The following GPR158 variants were observed in gnomAD, a reference collection of about 807,000 sequenced individuals.
GPR158 encodes the protein metabotropic glycine receptor.
A neutral mutation model predicts 78.2 loss-of-function variants in GPR158; 30 were observed. That is an observed-to-expected ratio of 0.38 (90% CI 0.29 to 0.52). The LOEUF (loss-of-function observed/expected upper bound fraction) is 0.52. Among genes scored for constraint, GPR158 ranks in the 20% least tolerant of loss-of-function variants. GPR158 has a pLI of 0.83. For synonymous variants in GPR158, 581 were observed against 591.1 expected (o/e 0.98, Z 0.25); for missense variants, 1,463 against 1,523.5 (o/e 0.96, Z 0.66).
At chr10:25,278,097 G>A (rs1489276784) in intron 2 of GPR158, among the ~76,000 whole-genome samples, 7 of 152,088 alleles carry the variant, frequency 4.6e-5, no homozygotes, top group Non-Finnish European at 1.5e-5. Context: ...TAATGACCAT[G>A]TTGGTAAATC....
At chr10:25,363,603 A>T (rs1267004469) in intron 2 of GPR158, among the ~76,000 whole-genome samples, 1 of 151,968 alleles carries the variant, frequency 6.6e-6, no homozygotes, top group Non-Finnish European at 1.5e-5. Context: ...ATCATAGAGT[A>T]ATGAGATGTG....
intron 6 of GPR158, among the ~76,000 whole-genome samples, chr10:25,561,857 G>T (rs760127947): frequency 6.6e-6 from 1 of 152,016 alleles, no homozygotes; most frequent in Admixed American, 6.6e-5. Context: ...ATAAGGAAGG[G>T]TGCATATAAG....
At chr10:25,432,393 AAT>A (rs1248054719) in intron 4 of GPR158, among the ~76,000 whole-genome samples, 4 of 152,228 alleles carry the variant, frequency 2.6e-5, no homozygotes, top group Non-Finnish European at 5.9e-5. Context: ...GTATAGATGT[AAT>A]AGAATTAAAA....
intron 4 of GPR158, among the ~76,000 whole-genome samples, chr10:25,417,431 T>C (rs1322816103): frequency 6.6e-6 from 1 of 152,152 alleles, no homozygotes; most frequent in Non-Finnish European, 1.5e-5. Flanking sequence ...TGGTTCTCTT[T>C]CCCATTTCAT....
intron 2 of GPR158, among the ~76,000 whole-genome samples, chr10:25,282,382 C>G (rs1854288095): frequency 6.6e-6 from 1 of 152,158 alleles, no homozygotes; most frequent in Non-Finnish European, 1.5e-5. Flanking sequence ...AGTTGAAGTA[C>G]ATTCCATGTA....
At chr10:25,261,377 C>G (rs74126503) in intron 2 of GPR158, among the ~76,000 whole-genome samples, 51 of 152,262 alleles carry the variant, frequency 3.3e-4, no homozygotes, top group African/African-American at 1.1e-3. Context: ...AACCAATATA[C>G]TTTCTGTGAA....
chr10:25,265,965 G>C (rs1223848331), intron 2 of GPR158, among the ~76,000 whole-genome samples: 1 of 152,176 alleles, frequency 6.6e-6, no homozygotes, highest in Admixed American at 6.5e-5. Context: ...ACTGGGTTCA[G>C]ATCCACATTC....
intron 4 of GPR158, among the ~76,000 whole-genome samples, chr10:25,420,719 A>G (rs543517664): frequency 6.6e-6 from 1 of 152,206 alleles, no homozygotes; most frequent in African/African-American, 2.4e-5. Flanking sequence ...TGTTGAAGAC[A>G]TAGTCCTTTC....
At chr10:25,533,871 A>G (rs1836456691) in intron 5 of GPR158, among the ~76,000 whole-genome samples, 1 of 152,290 alleles carries the variant, frequency 6.6e-6, no homozygotes, top group South Asian at 2.1e-4. Context: ...CTTACCAGCT[A>G]TGTGACCTGG....
chr10:25,194,255 C>G (rs1852814856), intron 1 of GPR158, among the ~76,000 whole-genome samples: 1 of 152,144 alleles, frequency 6.6e-6, no homozygotes, highest in African/African-American at 2.4e-5. Flanking sequence ...TTGGAAGAGC[C>G]AGGCTGGGCC....
At chr10:25,416,530 T>A (rs1459994204) in intron 4 of GPR158, among the ~76,000 whole-genome samples, 1 of 152,150 alleles carries the variant, frequency 6.6e-6, no homozygotes, top group African/African-American at 2.4e-5. Flanking sequence ...AAACCTCTCC[T>A]GGGTATTGAT....
At chr10:25,585,342 C>A (rs1397279055) in intron 7 of GPR158, among the ~76,000 whole-genome samples, 3 of 152,170 alleles carry the variant, frequency 2.0e-5, no homozygotes, top group Admixed American at 2.0e-4. Flanking sequence ...TTGCTACCAC[C>A]TATGTGGGCA....
chr10:25,541,876 A>G (rs1017710434), intron 5 of GPR158, among the ~76,000 whole-genome samples: 2 of 149,602 alleles, frequency 1.3e-5, no homozygotes, highest in Non-Finnish European at 3.0e-5. Flanking sequence ...GGGATGAGCA[A>G]CTCTGGAAAA....
chr10:25,560,609 A>G (rs1413126319), intron 6 of GPR158, among the ~76,000 whole-genome samples: 1 of 152,224 alleles, frequency 6.6e-6, no homozygotes, highest in Non-Finnish European at 1.5e-5. Context: ...ACTAACACCT[A>G]AAGTACATAA....
chr10:25,312,958 A>G (rs1431095499), intron 2 of GPR158, among the ~76,000 whole-genome samples: 1 of 152,076 alleles, frequency 6.6e-6, no homozygotes, highest in African/African-American at 2.4e-5. Flanking sequence ...CAATAATATC[A>G]TAGTATTATT....
At chr10:25,363,643 C>A (rs1214079331) in intron 2 of GPR158, among the ~76,000 whole-genome samples, 1 of 151,744 alleles carries the variant, frequency 6.6e-6, no homozygotes, top group Non-Finnish European at 1.5e-5. Flanking sequence ...TGAGGTGATC[C>A]CTGGGGACAT....
chr10:25,524,899 T>A (rs930176472), intron 5 of GPR158, among the ~76,000 whole-genome samples: 1 of 152,214 alleles, frequency 6.6e-6, no homozygotes, highest in Non-Finnish European at 1.5e-5. Context: ...AAGGGACTTA[T>A]ATCCAGAATA....
chr10:25,503,316 G>A (rs764553018), intron 5 of GPR158, among the ~76,000 whole-genome samples: 16 of 152,020 alleles, frequency 1.1e-4, no homozygotes, highest in African/African-American at 2.4e-4. Context: ...ATTTGAGGTC[G>A]TAGTGAGCTA....
chr10:25,300,212 G>T (rs1468585268), intron 2 of GPR158, among the ~76,000 whole-genome samples: 5 of 152,260 alleles, frequency 3.3e-5, no homozygotes, highest in African/African-American at 1.2e-4. Flanking sequence ...ATTCCTTTTT[G>T]GAGGCTGTCG....
Sources: gnomAD v4.1 joint callset for allele counts (sites outside exome capture counted in the v4.1 genomes callset) on GRCh38, gnomAD v4.1.1 for gene constraint, MANE v1.5 for transcripts, NCBI Gene and HGNC (gene_info 2026-07-23, HGNC 2026-07-21) for gene names.